The following NBPF20 variants were observed in gnomAD, a reference collection of about 807,000 sequenced individuals.
NBPF20 encodes NBPF family member NBPF20.
NBPF20 carries 90 observed loss-of-function variants against 68.1 expected under a neutral mutation model. That is an observed-to-expected ratio of 1.32 (90% CI 1.11 to 1.58). The LOEUF (loss-of-function observed/expected upper bound fraction) is 1.58, where lower values mean the gene tolerates loss of function less well. NBPF20 is among the 40% of genes most tolerant of loss of function. The pLI is 0.00. For missense variants in NBPF20, 816 were observed against 601.2 expected, an observed-to-expected ratio of 1.36 and a Z score of -3.74; for synonymous variants, 290 against 228.1, an observed-to-expected ratio of 1.27 and a Z score of -2.45.
At chr1:145,412,103 A>G in the NBPF20 span, among the ~76,000 whole-genome samples, 1 of 146,314 alleles carries the variant, frequency 6.8e-6, no homozygotes, top group African/African-American at 2.5e-5. Context: ...TCTTCACCAC[A>G]ACAATCTCCA....
intron 8 of NBPF20, among the ~76,000 whole-genome samples, chr1:145,394,393 G>A (rs1662110699): frequency 6.6e-6 from 1 of 152,028 alleles, no homozygotes; most frequent in Admixed American, 6.6e-5. Context: ...AGAAGCATCA[G>A]CTATTATGGC....
chr1:145,402,358 G>T, exon 4 of NBPF20: 1 of 1,604,088 alleles, frequency 6.2e-7, no homozygotes, highest in South Asian at 1.1e-5. Context: ...TCGTTCCTGA[G>T]CGTGAACCAG....
At position 145,399,038 on chromosome 1, in the gene NBPF20, CACA is replaced by C. The variant is rs1221995100; in HGVS notation, c.827+8_827+10del. Reference sequence around the variant, plus strand: ...CTACTGAATTAACAGCCAACAATTCCACAACATTACCTGGGAGACACTGGCCCT... The same window carrying C: ...CTACTGAATTAACAGCCAACAATTCCACATTACCTGGGAGACACTGGCCCT... On this transcript the variant is annotated splice_region_variant and intron_variant, in intron 7 of 137. Coordinates refer to ENST00000369373, the Ensembl canonical transcript of NBPF20. The C allele has an allele frequency of 6.5e-5, 40 of 611,286 alleles. No individual in the cohort carries two copies. The highest frequency in any genetic ancestry group is 4.8e-4 in the South Asian group (25 of 52,576). 37.9% of individuals were successfully genotyped at this position (611,286 alleles called of 1,614,324 possible).
chr1:145,291,826 C>T (rs1481417202), intron 137 of NBPF20, 57 bp from the exon 143 acceptor site: 4 of 1,611,354 alleles, frequency 2.5e-6, no homozygotes, highest in Non-Finnish European at 2.5e-6. Flanking sequence ...ACCACAGAGC[C>T]CCACTAGATT....
Position 145,292,618 on chromosome 1 carries a change from A to G in NBPF20, c.16589-129T>C, listed in dbSNP as rs1198777665. On this transcript the variant is annotated intron_variant, in intron 136 of 137. Transcript: ENST00000369373. ...AAGAATAGGACACTTTGAGAGATATATTTCAGGAGGCCTGAAGGCTGTTCA... is the reference window on the plus strand; with the variant it reads ...AAGAATAGGACACTTTGAGAGATATGTTTCAGGAGGCCTGAAGGCTGTTCA... The G allele has an allele frequency of 8.1e-6, 6 of 745,028 alleles. 1 individual carries two copies. In the African/African-American group the frequency reaches 9.3e-5, roughly 12 times the overall value. 46.2% of individuals were successfully genotyped at this position (745,028 alleles called of 1,614,324 possible). A position where few individuals can be genotyped will look rare whatever the true frequency, so the allele number is the denominator to read the frequency against.
chr1:145,292,170 A>T (rs1553658017), intron 137 of NBPF20, among the ~76,000 whole-genome samples: 1 of 149,974 alleles, frequency 6.7e-6, no homozygotes, highest in Non-Finnish European at 1.5e-5. Context: ...ACAGCTTTTG[A>T]AGTATGGTCA....
chr1:145,413,561 G>C, the NBPF20 span, among the ~76,000 whole-genome samples: 4 of 151,886 alleles, frequency 2.6e-5, no homozygotes, highest in Non-Finnish European at 4.4e-5. Flanking sequence ...AAAAGAGTGT[G>C]AGAAAAATGA....
the NBPF20 span, among the ~76,000 whole-genome samples, chr1:145,424,837 T>A: frequency 6.6e-6 from 1 of 152,192 alleles, no homozygotes; most frequent in Non-Finnish European, 1.5e-5. Flanking sequence ...GATTCAGTGA[T>A]GGCTACAAAT....
rs1661768515 is a variant in NBPF20 at position 145,372,446 on chromosome 1, A to T, written c.4369+66T>A. The T allele has an allele frequency of 1.9e-5, 6 of 322,492 alleles. 1 individual carries two copies. Among genetic ancestry groups the T allele is most frequent in the Non-Finnish European group, 3.1e-5 (6 of 193,364 alleles). 20.0% of individuals were successfully genotyped at this position (322,492 alleles called of 1,614,324 possible). ...CTCGGGTCAGTAAGGGCCACTTGGA[A>T]CAGGAATATCACCCCTATCTGGAAG... On this transcript the variant is annotated intron_variant, in intron 36 of 137. Coordinates refer to ENST00000369373, the Ensembl canonical transcript of NBPF20.
At position 145,402,672 on chromosome 1, in the gene NBPF20, T is replaced by G. The variant is rs1217652842; in HGVS notation, c.279-291A>C. On this transcript the variant is annotated intron_variant, in intron 3 of 137. Transcript: ENST00000369373. The stretch of plus-strand genomic sequence containing the variant: ...CCGTTTCAAAAAGACATCCTTTCAG[T>G]TCCTCACTCTGGCCATGGACATTTC... Among the ~76,000 whole-genome samples, 4 of 150,956 alleles carry G rather than the reference T, an allele frequency of 2.6e-5. No homozygotes were observed. The East Asian group carries it at 7.8e-4, about 29-fold the overall frequency.
At chr1:145,400,462 T>C in exon 6 of NBPF20, 1 of 1,613,176 alleles carries the variant, frequency 6.2e-7, no homozygotes, top group Non-Finnish European at 8.5e-7. Flanking sequence ...CGACTTTGTC[T>C]TCCTCAAATG....
the NBPF20 span, among the ~76,000 whole-genome samples, chr1:145,420,572 AC>A: frequency 8.1e-6 from 1 of 123,630 alleles, no homozygotes; most frequent in Non-Finnish European, 1.7e-5. Flanking sequence ...CTACATCAGT[AC>A]CTCGGAGAGT....
At chr1:145,404,270 T>C (rs1456708414) in intron 2 of NBPF20, among the ~76,000 whole-genome samples, 1 of 151,794 alleles carries the variant, frequency 6.6e-6, no homozygotes, top group African/African-American at 2.4e-5. Flanking sequence ...TTTTTGTTTG[T>C]TTGTTTTTTG....
At chr1:145,307,987 CA>C (rs1661426837) in intron 117 of NBPF20, among the ~76,000 whole-genome samples, 1 of 17,084 alleles carries the variant, frequency 5.9e-5, no homozygotes, top group African/African-American at 3.0e-4. Flanking sequence ...AGAGTGGGCT[CA>C]ATAATTTTCC....
chr1:145,309,486 A>C (rs1315931304), intron 115 of NBPF20, among the ~76,000 whole-genome samples: 2 of 77,262 alleles, frequency 2.6e-5, no homozygotes, highest in East Asian at 5.4e-4. Context: ...ACACAGACAC[A>C]CACACACACA....
chr1:145,415,020 C>T, the NBPF20 span, among the ~76,000 whole-genome samples: 17 of 152,224 alleles, frequency 1.1e-4, no homozygotes, highest in African/African-American at 3.6e-4. Flanking sequence ...GGACCCATGC[C>T]GGCACTGGCC....
At chr1:145,398,127 T>C (rs1292082234) in intron 7 of NBPF20, among the ~76,000 whole-genome samples, 3 of 151,982 alleles carry the variant, frequency 2.0e-5, no homozygotes, top group Non-Finnish European at 2.9e-5. Context: ...CACACAATCA[T>C]CATGGGAGAC....
At chr1:145,410,407 C>T (rs1174200893), upstream of NBPF20, among the ~76,000 whole-genome samples, 8 of 150,320 alleles carry the variant, frequency 5.3e-5, no homozygotes, top group East Asian at 2.0e-4. Context: ...CTCCGCCTCC[C>T]GGGTTCACGC....
intron 2 of NBPF20, among the ~76,000 whole-genome samples, chr1:145,403,633 C>G (rs1228825540): frequency 6.6e-6 from 1 of 152,078 alleles, no homozygotes; most frequent in Non-Finnish European, 1.5e-5. Context: ...TTTCCCAAGC[C>G]TTGCAGCCTC....
Sources: allele counts gnomAD v4.1 joint callset (sites outside exome capture counted in the v4.1 genomes callset), GRCh38; gene constraint gnomAD v4.1.1; transcripts MANE v1.5; gene names NCBI Gene and HGNC (gene_info 2026-07-23, HGNC 2026-07-21).